The following PHACTR1 variants were observed in gnomAD, a reference collection of about 807,000 sequenced individuals.
The protein encoded by PHACTR1 is phosphatase and actin regulator 1.
PHACTR1 carries 16 observed loss-of-function variants against 69.2 expected under a neutral mutation model. The ratio of observed to expected loss-of-function variants is 0.23; its 90% CI spans 0.16 to 0.35. PHACTR1 has a LOEUF of 0.35. PHACTR1 is among the 10% of genes least tolerant of loss of function. The pLI is 1.00. For synonymous variants in PHACTR1, 312 were observed against 284.5 expected (o/e 1.10, Z -0.97); for missense variants, 510 against 734.7 (o/e 0.69, Z 3.54).
intron 4 of PHACTR1, among the ~76,000 whole-genome samples, chr6:12,864,685 GA>G (rs11304795): frequency 0.96 from 135,818 of 141,540 alleles, 65,186 homozygotes; most frequent in East Asian, 0.99. Flanking sequence ...GTCTCATAAA[GA>G]AAAAAAAAAA....
intron 4 of PHACTR1, among the ~76,000 whole-genome samples, chr6:12,774,285 C>A (rs1769753371): frequency 2.0e-5 from 3 of 152,146 alleles, no homozygotes. Context: ...TTCTCAACAG[C>A]ACGGTAAACT....
At chr6:13,047,957 G>T (rs1805346348) in intron 4 of PHACTR1, among the ~76,000 whole-genome samples, 1 of 151,820 alleles carries the variant, frequency 6.6e-6, no homozygotes, top group Admixed American at 6.6e-5. Context: ...ACCAGGGCTG[G>T]GGTTCAGAAC....
chr6:13,230,289 T>G lies in PHACTR1; in HGVS notation c.1391+96T>G, dbSNP rs776783977. ...AGTCTCGGCCGGGCGCAGTAGCTTA[T>G]GCCTGTAATCCCAGCACTTTGGGAG... On this transcript the variant is annotated intron_variant, in intron 10 of 14. Coordinates refer to ENST00000332995, the MANE Select transcript of PHACTR1 (RefSeq NM_030948.6). 3.4e-5 allele frequency: 52 copies of G among 1,539,752 alleles called. No individual in the cohort carries two copies. The Admixed American group carries it at 1.0e-3, about 30-fold the overall frequency.
chr6:13,042,502 T>C (rs1336598953), intron 4 of PHACTR1, among the ~76,000 whole-genome samples: 3 of 152,224 alleles, frequency 2.0e-5, no homozygotes, highest in African/African-American at 7.2e-5. Context: ...CTGGGCTGCT[T>C]ATTTATGCAT....
intron 4 of PHACTR1, among the ~76,000 whole-genome samples, chr6:12,850,014 T>C (rs1203601267): frequency 1.3e-5 from 2 of 152,238 alleles, no homozygotes; most frequent in African/African-American, 4.8e-5. Context: ...TTCTTTTTCC[T>C]GCTCTGGCTT....
intron 5 of PHACTR1, among the ~76,000 whole-genome samples, chr6:13,058,430 G>T (rs1168840354): frequency 2.0e-5 from 3 of 152,002 alleles, no homozygotes; most frequent in Non-Finnish European, 4.4e-5. Context: ...GTTGTTGGTG[G>T]GGAGAAAAAA....
intron 4 of PHACTR1, among the ~76,000 whole-genome samples, chr6:13,018,263 C>T (rs968650031): frequency 2.6e-5 from 4 of 152,068 alleles, no homozygotes; most frequent in African/African-American, 4.8e-5. Flanking sequence ...CTACCGAGGT[C>T]GAACCACCAT....
intron 4 of PHACTR1, among the ~76,000 whole-genome samples, chr6:12,865,229 C>T (rs186757708): frequency 7.9e-5 from 12 of 152,264 alleles, no homozygotes; most frequent in Admixed American, 3.3e-4. Flanking sequence ...GAGGACTAGG[C>T]AGAGGGAGGA....
chr6:13,078,800 G>A (rs1382843224), intron 5 of PHACTR1, among the ~76,000 whole-genome samples: 1 of 152,102 alleles, frequency 6.6e-6, no homozygotes, highest in African/African-American at 2.4e-5. Flanking sequence ...AGGAGCACAT[G>A]CCCAGTGGCT....
intron 4 of PHACTR1, among the ~76,000 whole-genome samples, chr6:12,869,148 C>T (rs1225625220): frequency 6.6e-6 from 1 of 152,182 alleles, no homozygotes; most frequent in Non-Finnish European, 1.5e-5. Context: ...CCTGGGCCAC[C>T]AGAGACTCAC....
At chr6:12,854,405 G>A (rs139706487) in intron 4 of PHACTR1, among the ~76,000 whole-genome samples, 14 of 152,326 alleles carry the variant, frequency 9.2e-5, no homozygotes, top group Middle Eastern at 3.4e-3. Context: ...ACTTGTCTCA[G>A]AGGATGTTTG....
intron 4 of PHACTR1, among the ~76,000 whole-genome samples, chr6:12,797,187 A>T (rs1004954530): frequency 4.6e-5 from 7 of 152,114 alleles, no homozygotes; most frequent in Non-Finnish European, 5.9e-5. Context: ...GATTGATAAC[A>T]TGAAAACCCC....
At chr6:12,878,321 T>C (rs1175597530) in intron 4 of PHACTR1, among the ~76,000 whole-genome samples, 1 of 152,208 alleles carries the variant, frequency 6.6e-6, no homozygotes, top group Non-Finnish European at 1.5e-5. Context: ...TAAGCTGCTA[T>C]GGATTTGATG....
At chr6:13,157,200 A>C (rs1375684753) in intron 5 of PHACTR1, among the ~76,000 whole-genome samples, 2 of 152,092 alleles carry the variant, frequency 1.3e-5, no homozygotes, top group Non-Finnish European at 2.9e-5. Context: ...AGGCTGCTCT[A>C]TCTGGAGCAT....
At chr6:12,945,159 C>A (rs996489054) in intron 4 of PHACTR1, among the ~76,000 whole-genome samples, 1 of 152,154 alleles carries the variant, frequency 6.6e-6, no homozygotes, top group African/African-American at 2.4e-5. Context: ...CATTCTTCCC[C>A]TTTTGCCTCC....
At chr6:12,945,196 T>C (rs1255029807) in intron 4 of PHACTR1, among the ~76,000 whole-genome samples, 1 of 152,176 alleles carries the variant, frequency 6.6e-6, no homozygotes, top group Non-Finnish European at 1.5e-5. Flanking sequence ...TAACTCCTAC[T>C]TCTCTTTTAG....
intron 5 of PHACTR1, among the ~76,000 whole-genome samples, chr6:13,086,530 T>C (rs1207769612): frequency 6.6e-6 from 1 of 152,114 alleles, no homozygotes; most frequent in South Asian, 2.1e-4. Flanking sequence ...AACCAGTGCT[T>C]TTTTTTCTGC....
At chr6:13,081,472 C>T (rs557093035) in intron 5 of PHACTR1, among the ~76,000 whole-genome samples, 6 of 152,124 alleles carry the variant, frequency 3.9e-5, no homozygotes, top group African/African-American at 9.7e-5. Flanking sequence ...AATGCCCTTC[C>T]GAATCACTGC....
chr6:13,003,004 A>T (rs768373822), intron 4 of PHACTR1, among the ~76,000 whole-genome samples: 1 of 152,166 alleles, frequency 6.6e-6, no homozygotes, highest in African/African-American at 2.4e-5. Flanking sequence ...AGTGGAAATG[A>T]TAGGGCTTCT....
Sources: allele counts gnomAD v4.1 joint callset (sites outside exome capture counted in the v4.1 genomes callset), GRCh38; gene constraint gnomAD v4.1.1; transcripts MANE v1.5; gene names NCBI Gene and HGNC (gene_info 2026-07-23, HGNC 2026-07-21).